The following TULP3 variants were observed in gnomAD, a reference collection of about 807,000 sequenced individuals.
TULP3 encodes the protein TUB like protein 3.
A neutral mutation model predicts 50.7 loss-of-function variants in TULP3; 38 were observed. That is an observed-to-expected ratio of 0.75 (90% CI 0.58 to 0.98). The LOEUF (loss-of-function observed/expected upper bound fraction) is 0.98, where lower values mean the gene tolerates loss of function less well. Among genes scored for constraint, TULP3 ranks in the 50% least tolerant of loss-of-function variants. The pLI, the probability that TULP3 is intolerant of heterozygous loss-of-function variation, is 0.00. For synonymous variants in TULP3, 183 were observed against 196.6 expected, an observed-to-expected ratio of 0.93 and a Z score of 0.58; for missense variants, 550 against 568.0, an observed-to-expected ratio of 0.97 and a Z score of 0.32.
intron 4 of TULP3, among the ~76,000 whole-genome samples, chr12:2,925,181 AAG>A (rs2098194021): frequency 6.6e-6 from 1 of 152,184 alleles, no homozygotes. Context: ...CAAAAAAAAA[AAG>A]AGCAGTAAGA....
At chr12:2,900,060 C>CAA (rs60189452) in intron 1 of TULP3, among the ~76,000 whole-genome samples, 14 of 150,670 alleles carry the variant, frequency 9.3e-5, no homozygotes, top group East Asian at 5.9e-4. Context: ...ACTAAAAATA[C>CAA]AAAAAAAATA....
intron 1 of TULP3, among the ~76,000 whole-genome samples, chr12:2,899,698 C>T (rs1284260526): frequency 6.6e-6 from 1 of 151,788 alleles, no homozygotes; most frequent in Non-Finnish European, 1.5e-5. Context: ...TCGAGACCAT[C>T]CTGGCTAACA....
At chr12:2,907,735 T>G (rs2098183167) in intron 1 of TULP3, among the ~76,000 whole-genome samples, 1 of 151,784 alleles carries the variant, frequency 6.6e-6, no homozygotes, top group Non-Finnish European at 1.5e-5. Flanking sequence ...TATCTTTTTT[T>G]GTCACACTAT....
chr12:2,930,887 A>T, intron 5 of TULP3, 150 bp from the exon 6 acceptor site: 1 of 815,232 alleles, frequency 1.2e-6, no homozygotes, highest in Non-Finnish European at 2.1e-6. Flanking sequence ...ATATTCATAT[A>T]CTTAATTTAA....
At chr12:2,908,047 C>T (rs1375598843) in intron 1 of TULP3, among the ~76,000 whole-genome samples, 1 of 152,094 alleles carries the variant, frequency 6.6e-6, no homozygotes, top group Admixed American at 6.6e-5. Context: ...TTAAACGTGC[C>T]TCCCAAGTGA....
chr12:2,937,200 ATTTTTT>A (rs771074689), intron 8 of TULP3, among the ~76,000 whole-genome samples: 64 of 54,430 alleles, frequency 1.2e-3, no homozygotes, highest in African/African-American at 4.1e-3. Context: ...GGTACACCTG[ATTTTTT>A]TTTTTTTTTT....
intron 1 of TULP3, among the ~76,000 whole-genome samples, chr12:2,894,058 G>T (rs2098173909): frequency 6.6e-6 from 1 of 152,068 alleles, no homozygotes; most frequent in Non-Finnish European, 1.5e-5. Context: ...AGATGACGGG[G>T]GTTGGCTGGT....
chr12:2,918,797 C>T (rs1396654330), intron 2 of TULP3, among the ~76,000 whole-genome samples: 1 of 152,156 alleles, frequency 6.6e-6, no homozygotes, highest in East Asian at 1.9e-4. Context: ...GCCTCAGCCT[C>T]CCAAAGTGCT....
intron 1 of TULP3, among the ~76,000 whole-genome samples, chr12:2,898,414 C>T (rs1212605439): frequency 6.6e-6 from 1 of 152,132 alleles, no homozygotes; most frequent in Non-Finnish European, 1.5e-5. Flanking sequence ...ATCTTCCCGC[C>T]TCAGCCTCCC....
At chr12:2,908,618 C>T (rs1352058300) in intron 1 of TULP3, among the ~76,000 whole-genome samples, 1 of 151,748 alleles carries the variant, frequency 6.6e-6, no homozygotes, top group Non-Finnish European at 1.5e-5. Context: ...GAGACGGTTT[C>T]ACTATGTTGG....
intron 2 of TULP3, among the ~76,000 whole-genome samples, chr12:2,913,201 T>TTGTGTGTGTGTGTG (rs138018559): frequency 1.8e-4 from 26 of 146,484 alleles, no homozygotes; most frequent in African/African-American, 5.6e-4. Flanking sequence ...TATGTTGAGT[T>TTGTGTGTGTGTGTG]TGTGTGTGTG....
rs192484638 is a variant in TULP3 at position 2,903,757 on chromosome 12, C to T, written c.42-5772C>T. Reference sequence around the variant, plus strand: ...CCTCTATACCTTTCACCAAGTTTCCCCTAATGTTAACGTCTTCTTTTTTGT... The same window carrying T: ...CCTCTATACCTTTCACCAAGTTTCCTCTAATGTTAACGTCTTCTTTTTTGT... On this transcript the variant is annotated intron_variant, in intron 1 of 10. Transcript: ENST00000448120. Among the ~76,000 whole-genome samples the T allele has an allele frequency of 2.0e-5, 3 of 151,986 alleles. No individual in the cohort carries two copies. In the East Asian group the frequency reaches 5.8e-4, roughly 29 times the overall value.
chr12:2,911,711 T>G (rs2098185766), intron 2 of TULP3, among the ~76,000 whole-genome samples: 2 of 102,694 alleles, frequency 1.9e-5, no homozygotes, highest in African/African-American at 4.1e-5. Flanking sequence ...TTTTTTTGAG[T>G]CAGTGAATTT....
At chr12:2,934,919 T>C (rs1485997498) in intron 8 of TULP3, among the ~76,000 whole-genome samples, 3 of 152,278 alleles carry the variant, frequency 2.0e-5, no homozygotes, top group African/African-American at 7.2e-5. Flanking sequence ...TAATCTCTTT[T>C]TCTTATTTTT....
In TULP3 at chr12:2,939,470, C is replaced by G. The variant is rs1357472133; in HGVS notation, c.*26C>G. ...GAGAACAGTCAGGCAGGGAGCCCTT[C>G]TCCCCACAGAGCTTTCAGGAGCAGA... On this transcript the variant is annotated 3_prime_UTR_variant, in exon 11 of 11. Coordinates refer to ENST00000448120, the MANE Select transcript of TULP3 (RefSeq NM_003324.5). This position sits in a 1 kb window ranked among gnomAD's most constrained non-coding sequence, Gnocchi z 4.0. The G allele has an allele frequency of 2.0e-5, 32 of 1,613,134 alleles. No individual in the cohort carries two copies. The highest frequency in any genetic ancestry group is 2.4e-5 in the Non-Finnish European group (28 of 1,179,626).
intron 5 of TULP3, 47 bp downstream of exon 5, chr12:2,930,392 C>G (rs1370970103): frequency 5.8e-6 from 7 of 1,199,450 alleles, no homozygotes; most frequent in African/African-American, 1.5e-5. Flanking sequence ...TTGACTCTTT[C>G]TCAAACATAT....
In TULP3 at chr12:2,890,895, T is replaced by G. The variant is rs1025256495; in HGVS notation, c.-53T>G. ...CGGCGGCGTGCCAGCCTAGCCACTC[T>G]AGCGACGGCGGGGAAGAGTGTGTAC... On this transcript the variant is annotated 5_prime_UTR_variant, in exon 1 of 11. Transcript: ENST00000448120. 1 of 1,528,302 alleles carries G rather than the reference T, an allele frequency of 6.5e-7. No individual in the cohort carries two copies. Among genetic ancestry groups the G allele is most frequent in the African/African-American group, 1.4e-5 (1 of 71,428 alleles). 94.7% of individuals were successfully genotyped at this position (1,528,302 alleles called of 1,614,324 possible). A position where few individuals can be genotyped will look rare whatever the true frequency, so the allele number is the denominator to read the frequency against.
At chr12:2,915,544 T>TG (rs1368864012) in intron 2 of TULP3, among the ~76,000 whole-genome samples, 16 of 5,824 alleles carry the variant, frequency 2.7e-3, no homozygotes, top group Non-Finnish European at 3.6e-3. Flanking sequence ...TTTTTTATTT[T>TG]GTTTTTTTTT....
At chr12:2,927,985 T>C (rs2098195636) in intron 4 of TULP3, among the ~76,000 whole-genome samples, 1 of 152,214 alleles carries the variant, frequency 6.6e-6, no homozygotes, top group Non-Finnish European at 1.5e-5. Flanking sequence ...CGTCACTCTT[T>C]CATAACACAC....
Sources: gnomAD v4.1 joint callset for allele counts (sites outside exome capture counted in the v4.1 genomes callset) on GRCh38, gnomAD v4.1.1 for gene constraint, Gnocchi (gnomAD v3.1) non-coding constraint, MANE v1.5 for transcripts, NCBI Gene and HGNC (gene_info 2026-07-23, HGNC 2026-07-21) for gene names.